Variants in CEP43 observed in about 807,000 individuals in gnomAD.
CEP43 encodes the protein centrosomal protein 43.
Under a neutral mutation model 52.6 loss-of-function variants are expected in CEP43, and 36 were observed. The ratio of observed to expected loss-of-function variants is 0.68; its 90% CI spans 0.52 to 0.90. CEP43 has a LOEUF of 0.90. CEP43 is among the 40% of genes least tolerant of loss of function. The pLI is 0.00. For missense variants in CEP43, 506 were observed against 472.8 expected, an observed-to-expected ratio of 1.07 and a Z score of -0.65; for synonymous variants, 192 against 172.4, an observed-to-expected ratio of 1.11 and a Z score of -0.89.
intron 5 of CEP43, 133 bp downstream of exon 5, chr6:167,004,534 AT>A: frequency 1.5e-6 from 1 of 658,492 alleles, no homozygotes; most frequent in South Asian, 3.5e-5. Context: ...AATGAGATGC[AT>A]TCAGATTGTA....
chr6:167,035,606 G>T (rs1780567049), intron 12 of CEP43, among the ~76,000 whole-genome samples: 1 of 148,400 alleles, frequency 6.7e-6, no homozygotes, highest in Non-Finnish European at 1.5e-5. Context: ...TTGCTCTGTT[G>T]CCCAGGCTGG....
Position 167,039,964 on chromosome 6 carries a change from G to A in CEP43, c.1186G>A (p.Glu396Lys), listed in dbSNP as rs1323900056. ...SQLSDVADYL[E>K]DVA ...GCTCAGTGATGTTGCGGATTATCTG[G>A]AAGATGTTGCATAGACACGAAGAAG... The change falls in exon 13 of 13, where the codon GAA (glutamate) becomes AAA (lysine). Residue 396 changes from glutamate to lysine, a missense_variant. Transcript: ENST00000366847. 3 of 1,613,648 alleles carry A rather than the reference G, an allele frequency of 1.9e-6. No homozygotes were observed. The highest frequency in any genetic ancestry group is 2.7e-5 in the African/African-American group (2 of 74,842).
chr6:167,005,498 G>A (rs535651316), intron 5 of CEP43, among the ~76,000 whole-genome samples: 5 of 152,222 alleles, frequency 3.3e-5, no homozygotes, highest in Non-Finnish European at 5.9e-5. Flanking sequence ...TAGGATGTCA[G>A]TTGTGGGGCG....
At chr6:167,012,696 T>A (rs1405065222) in intron 6 of CEP43, among the ~76,000 whole-genome samples, 18 of 152,218 alleles carry the variant, frequency 1.2e-4, no homozygotes, top group Admixed American at 1.2e-3. Flanking sequence ...TTATTCTCCC[T>A]ACATACATTT....
At chr6:167,002,832 T>C (rs1779768370) in intron 2 of CEP43, among the ~76,000 whole-genome samples, 1 of 152,266 alleles carries the variant, frequency 6.6e-6, no homozygotes, top group African/African-American at 2.4e-5. Context: ...TTCCTGTTCA[T>C]AGTAAGTATG....
At chr6:167,019,277 CACATACACCTGCTGT>C (rs1562528042) in intron 7 of CEP43, among the ~76,000 whole-genome samples, 2,868 of 150,564 alleles carry the variant, frequency 0.019, 48 homozygotes, top group East Asian at 0.092. Context: ...GCTGTGCACA[CACATACACCTGCTGT>C]GCACACGCGT....
chr6:167,028,012 C>G, intron 10 of CEP43: 3 of 985,746 alleles, frequency 3.0e-6, no homozygotes, highest in Non-Finnish European at 3.6e-6. Flanking sequence ...GCCTCCTTTC[C>G]CTCCCTTGTG....
chr6:167,013,602 T>C, intron 7 of CEP43, 35 bp downstream of exon 7: 1 of 1,591,278 alleles, frequency 6.3e-7, no homozygotes, highest in Non-Finnish European at 8.6e-7. Context: ...AAAAGCAGCC[T>C]GTGGGCATCA....
chr6:167,037,954 A>G (rs1780617461), intron 12 of CEP43, among the ~76,000 whole-genome samples: 1 of 152,180 alleles, frequency 6.6e-6, no homozygotes, highest in South Asian at 2.1e-4. Context: ...TGTTGCCACA[A>G]CAATGAGTCT....
rs1183843503 is a variant in CEP43 at position 166,999,452 on chromosome 6, A to C, written c.40A>C (p.Thr14Pro). 1.3e-6 allele frequency: 2 copies of C among 1,484,310 alleles called. No individual in the cohort carries two copies. Among genetic ancestry groups the C allele is most frequent in the Non-Finnish European group, 1.8e-6 (2 of 1,115,110 alleles). The allele number at this position is 1,484,310 out of a possible 1,614,324, so 91.9% of individuals were successfully genotyped here. The change falls in exon 1 of 13, where the codon ACG becomes CCG. Residue 14 changes from threonine to proline, a missense_variant. By Grantham distance (38) the Thr-to-Pro change is conservative. Coordinates refer to ENST00000366847, the MANE Select transcript of CEP43 (RefSeq NM_007045.4). ...TAAAVVAEED[T>P]ELRDLLVQTL... ...GGCCGCAGTGGTGGCCGAGGAGGAC[A>C]CGGAGCTGCGGGACCTGCTGGTGCA...
rs113896539 is a variant in CEP43, at chr6:167,041,837, C to CG, written c.*1866dup. On this transcript the variant is annotated 3_prime_UTR_variant, in exon 13 of 13. Transcript: ENST00000366847. ...ACATACATCTTTTTTTTGCGGGGGG[C>CG]GGGGGGGACAGAGTCTCACTGTGTC... 11 of 40,342 alleles carry CG rather than the reference C, an allele frequency of 2.7e-4. No homozygotes were observed. The highest frequency in any genetic ancestry group is 3.2e-4 in the Non-Finnish European group (9 of 28,182). The allele number at this position is 40,342 out of a possible 1,614,324, so 2.5% of individuals were successfully genotyped here.
chr6:167,000,258 A>G (rs1373864681), intron 2 of CEP43, 145 bp downstream of exon 2: 1 of 584,246 alleles, frequency 1.7e-6, no homozygotes, highest in South Asian at 2.5e-5. Flanking sequence ...ATTGAGAGAG[A>G]GCCAAAATTA....
rs895756703 is a variant in CEP43, at chr6:167,042,676, T to C, written c.*2698T>C. On this transcript the variant is annotated 3_prime_UTR_variant, in exon 13 of 13. Coordinates refer to ENST00000366847, the MANE Select transcript of CEP43 (RefSeq NM_007045.4). ...TTCCCCTAGAACTGCATGAAGCTGGTTTATTTCAGTCTCATGTTCAAAGAC... is the reference window on the plus strand; with the variant it reads ...TTCCCCTAGAACTGCATGAAGCTGGCTTATTTCAGTCTCATGTTCAAAGAC... The C allele has an allele frequency of 4.6e-5, 7 of 152,322 alleles. No individual in the cohort carries two copies. Among genetic ancestry groups the C allele is most frequent in the African/African-American group, 1.7e-4 (7 of 41,458 alleles). The allele number at this position is 152,322 out of a possible 1,614,324, so 9.4% of individuals were successfully genotyped here.
At chr6:166,999,890 C>A in intron 1 of CEP43, 170 bp from the exon 2 acceptor site, 1 of 586,790 alleles carries the variant, frequency 1.7e-6, no homozygotes, top group Non-Finnish European at 3.0e-6. Context: ...CAGCCGAAGC[C>A]TGGGGGTCGG....
Position 167,024,783 on chromosome 6 carries a change from A to G in CEP43, c.808A>G (p.Arg270Gly), listed in dbSNP as rs199785921. The G allele has an allele frequency of 8.2e-5, 132 of 1,610,204 alleles. 2 individuals are homozygous for G. The South Asian group carries it at 1.3e-3, about 16-fold the overall frequency. The change falls in exon 9 of 13, where the codon AGG becomes GGG. Residue 270 changes from arginine (R) to glycine (G), a missense_variant and splice_region_variant. Transcript: ENST00000366847. Reference protein sequence around the residue: ...IPKPEKTYGLRKEPRKQAGSL... With the variant: ...IPKPEKTYGLGKEPRKQAGSL... ...TTAACTGTCCTTGTTTCTTGTTAGG[A>G]GGAAGGAACCTAGGAAGCAAGCAGG... is the stretch of plus-strand genomic sequence containing the variant.
In CEP43 at chr6:167,042,279, T is replaced by C; in HGVS notation, c.*2301T>C. ...GTGATGAGTGTTTTCTGTTAAAAAA[T>C]AAATATTGAAATATTAACCCATTAA... On this transcript the variant is annotated 3_prime_UTR_variant, in exon 13 of 13. Coordinates refer to ENST00000366847, the MANE Select transcript of CEP43 (RefSeq NM_007045.4). The C allele has an allele frequency of 9.9e-7, 1 of 1,005,134 alleles. No individual in the cohort carries two copies. The highest frequency in any genetic ancestry group is 1.2e-6 in the Non-Finnish European group (1 of 840,318). The allele number at this position is 1,005,134 out of a possible 1,614,324, so 62.3% of individuals were successfully genotyped here. A position where few individuals can be genotyped will look rare whatever the true frequency, so the allele number is the denominator to read the frequency against.
chr6:167,017,964 T>C (rs1263134535), intron 7 of CEP43, among the ~76,000 whole-genome samples: 1 of 152,064 alleles, frequency 6.6e-6, no homozygotes, highest in African/African-American at 2.4e-5. Context: ...ATTGGGTGGC[T>C]TAAAACAACA....
chr6:167,022,293 C>CAAAG, intron 7 of CEP43, 116 bp from the exon 8 acceptor site: 1 of 677,018 alleles, frequency 1.5e-6, no homozygotes, highest in Non-Finnish European at 2.5e-6. Flanking sequence ...CACACACACA[C>CAAAG]ACAAAGGTTG....
At chr6:167,034,163 TC>T (rs1434035936) in intron 12 of CEP43, among the ~76,000 whole-genome samples, 192 bp downstream of exon 12, 8 of 152,214 alleles carry the variant, frequency 5.3e-5, no homozygotes, top group African/African-American at 1.9e-4. Flanking sequence ...GGTTGTCACT[TC>T]CTTTGGTATG....
Sources: allele counts gnomAD v4.1 joint callset (sites outside exome capture counted in the v4.1 genomes callset), GRCh38; gene constraint gnomAD v4.1.1; transcripts MANE v1.5; gene names NCBI Gene and HGNC (gene_info 2026-07-23, HGNC 2026-07-21).